LSAMP: variants seen among roughly 807,000 people sequenced by gnomAD.
LSAMP encodes the protein limbic system-associated membrane protein.
A neutral mutation model predicts 38.6 loss-of-function variants in LSAMP; 7 were observed. That is an observed-to-expected ratio of 0.18 (90% CI 0.10 to 0.34). The LOEUF (loss-of-function observed/expected upper bound fraction) is 0.34, where lower values mean the gene tolerates loss of function less well. LSAMP is among the 10% of genes least tolerant of loss of function. The probability of loss-of-function intolerance (pLI) is 1.00; values close to 1 mark genes in which losing one functional copy is unlikely to be tolerated. For missense variants in LSAMP, 313 were observed against 420.0 expected (o/e 0.75, Z 2.23); for synonymous variants, 154 against 166.8 (o/e 0.92, Z 0.59).
At chr3:116,316,053 T>C (rs1419375722) in intron 1 of LSAMP, among the ~76,000 whole-genome samples, 1 of 152,188 alleles carries the variant, frequency 6.6e-6, no homozygotes, top group Non-Finnish European at 1.5e-5. Flanking sequence ...ATATTTTGGA[T>C]AGAGAAAGAA....
chr3:116,366,221 A>C (rs2048351776), intron 1 of LSAMP, among the ~76,000 whole-genome samples: 1 of 152,032 alleles, frequency 6.6e-6, no homozygotes, highest in South Asian at 2.1e-4. Context: ...ATAAACAGAC[A>C]CTTCTCAAAA....
chr3:116,397,382 A>G, intron 1 of LSAMP, among the ~76,000 whole-genome samples: 1 of 64,382 alleles, frequency 1.6e-5, no homozygotes, highest in African/African-American at 8.0e-5. Flanking sequence ...TATTTAAAAT[A>G]CCCGCCCCCC....
rs945601539 is a variant in LSAMP at position 116,398,488 on chromosome 3, G to T, written c.155+46389C>A. On this transcript the variant is annotated intron_variant, in intron 1 of 6. Coordinates refer to ENST00000490035, the MANE Select transcript of LSAMP (RefSeq NM_002338.5). ...TAACGTTGACCGATTAGCTGACAAA[G>T]CTCTATGAAGGATAGAGGTATTTAA... Among the ~76,000 whole-genome samples, 7 of 151,910 alleles carry T rather than the reference G, an allele frequency of 4.6e-5. No individual in the cohort carries two copies. The South Asian group carries it at 1.4e-3, about 31-fold the overall frequency.
At chr3:115,835,502 T>C (rs1035063209) in intron 6 of LSAMP, among the ~76,000 whole-genome samples, 25 of 152,210 alleles carry the variant, frequency 1.6e-4, no homozygotes, top group African/African-American at 7.2e-5. Context: ...TATTATTTGC[T>C]AACTCCCAAA....
chr3:115,852,086 G>A (rs907300253), intron 4 of LSAMP, among the ~76,000 whole-genome samples: 8 of 152,140 alleles, frequency 5.3e-5, no homozygotes, highest in Non-Finnish European at 1.2e-4. Flanking sequence ...TAATCTTGAG[G>A]CATTCCCTCC....
In LSAMP at chr3:116,248,492, T is replaced by A. The variant is rs879879252; in HGVS notation, c.156-161936A>T. Among the ~76,000 whole-genome samples the A allele has an allele frequency of 5.8e-3, 815 of 140,190 alleles. 8 individuals are homozygous for A. The highest frequency in any genetic ancestry group is 0.025 in the South Asian group (110 of 4,316). The allele number at this position is 140,190 out of a possible 152,430, so 92.0% of individuals were successfully genotyped here. On this transcript the variant is annotated intron_variant, in intron 1 of 6. Transcript: ENST00000490035. ...CCTGTCTCTAATGTGTGTGTGTGTG[T>A]GTGTGTGTGTGTGTGTGTGTGTGTG...
chr3:116,386,550 G>A (rs532637629), intron 1 of LSAMP, among the ~76,000 whole-genome samples: 6 of 152,174 alleles, frequency 3.9e-5, no homozygotes, highest in South Asian at 4.1e-4. Flanking sequence ...CTAGCTCACC[G>A]AAGCCTCAGC....
intron 1 of LSAMP, among the ~76,000 whole-genome samples, chr3:116,237,423 G>A (rs890512790): frequency 2.0e-5 from 3 of 152,096 alleles, no homozygotes; most frequent in African/African-American, 4.8e-5. Context: ...TTGTTGATAA[G>A]TGAAAAAATC....
chr3:115,908,067 A>T (rs1439948521), intron 3 of LSAMP, among the ~76,000 whole-genome samples: 2 of 151,126 alleles, frequency 1.3e-5, no homozygotes, highest in Non-Finnish European at 3.0e-5. Context: ...GTGTTTGACC[A>T]TACAGGGAAG....
At chr3:115,898,103 G>C (rs985752272) in intron 3 of LSAMP, among the ~76,000 whole-genome samples, 3 of 152,086 alleles carry the variant, frequency 2.0e-5, no homozygotes, top group African/African-American at 7.2e-5. Flanking sequence ...TCAGAAACCT[G>C]GGACAATGGG....
chr3:116,391,361 G>A (rs1397032907), intron 1 of LSAMP, among the ~76,000 whole-genome samples: 1 of 152,114 alleles, frequency 6.6e-6, no homozygotes, highest in African/African-American at 2.4e-5. Context: ...CAGCCAGGCA[G>A]GACCCACTCG....
intron 1 of LSAMP, among the ~76,000 whole-genome samples, chr3:116,126,421 A>G (rs1361499110): frequency 6.6e-6 from 1 of 152,246 alleles, no homozygotes; most frequent in Non-Finnish European, 1.5e-5. Context: ...AGGAGTGTTG[A>G]TTCGAGACCT....
At chr3:116,267,827 G>A (rs1353408590) in intron 1 of LSAMP, among the ~76,000 whole-genome samples, 2 of 152,054 alleles carry the variant, frequency 1.3e-5, no homozygotes, top group African/African-American at 2.4e-5. Context: ...ATGGGTGAGC[G>A]ATGAGCCAAG....
chr3:115,844,285 T>C (rs1935088371), intron 4 of LSAMP, among the ~76,000 whole-genome samples: 1 of 152,178 alleles, frequency 6.6e-6, no homozygotes, highest in African/African-American at 2.4e-5. Context: ...TATAACTCAT[T>C]TATCTATTCC....
At chr3:116,281,442 A>T (rs938725050) in intron 1 of LSAMP, among the ~76,000 whole-genome samples, 1 of 152,190 alleles carries the variant, frequency 6.6e-6, no homozygotes, top group Admixed American at 6.5e-5. Context: ...ATCATAACTG[A>T]TAAATGCAAA....
At chr3:116,272,149 A>AATAT (rs148831827) in intron 1 of LSAMP, among the ~76,000 whole-genome samples, 40 of 150,536 alleles carry the variant, frequency 2.7e-4, no homozygotes, top group African/African-American at 9.7e-4. Flanking sequence ...TAAACAAATA[A>AATAT]ATATATATAT....
intron 1 of LSAMP, among the ~76,000 whole-genome samples, chr3:116,349,346 A>T (rs1230621599): frequency 1.3e-5 from 2 of 152,002 alleles, no homozygotes; most frequent in African/African-American, 4.8e-5. Context: ...CTCAAAATTT[A>T]AAAAATATAT....
intron 1 of LSAMP, among the ~76,000 whole-genome samples, chr3:116,410,220 C>T (rs927646808): frequency 7.3e-5 from 11 of 149,854 alleles, no homozygotes; most frequent in African/African-American, 2.0e-4. Flanking sequence ...GACAGTTATA[C>T]CGAATAGGGG....
chr3:116,157,576 A>T (rs1485826735), intron 1 of LSAMP, among the ~76,000 whole-genome samples: 2 of 152,194 alleles, frequency 1.3e-5, no homozygotes, highest in African/African-American at 4.8e-5. Context: ...GTAAAACAGA[A>T]ATAAGTAAGG....
Sources: allele counts gnomAD v4.1 joint callset (sites outside exome capture counted in the v4.1 genomes callset), GRCh38; gene constraint gnomAD v4.1.1; transcripts MANE v1.5; gene names NCBI Gene and HGNC (gene_info 2026-07-23, HGNC 2026-07-21).